NOTCH2: variants seen among roughly 807,000 people sequenced by gnomAD.
NOTCH2 encodes notch receptor 2.
In NOTCH2, 29 loss-of-function variants were observed where a neutral mutation model predicts 235.8. The ratio of observed to expected loss-of-function variants is 0.12; its 90% confidence interval spans 0.09 to 0.17. The LOEUF is 0.17. Among genes scored for constraint, NOTCH2 ranks in the 10% least tolerant of loss-of-function variants. The pLI is 1.00. For missense variants in NOTCH2, 2,285 were observed against 3,150.2 expected (o/e 0.73, Z 6.57); for synonymous variants, 1,086 against 1,141.5 (o/e 0.95, Z 0.98).
intron 30 of NOTCH2, 142 bp from the exon 31 acceptor site, chr1:119,919,755 A>T: frequency 1.2e-6 from 1 of 802,842 alleles, no homozygotes. Context: ...TATTAGTTTC[A>T]CATTTGCCAC....
Position 119,969,589 on chromosome 1 carries a change from A to G in NOTCH2, c.1030T>C (p.Phe344Leu). The G allele has an allele frequency of 6.2e-7, 1 of 1,614,074 alleles. No individual in the cohort carries two copies. The highest frequency in any genetic ancestry group is 8.5e-7 in the Non-Finnish European group (1 of 1,179,976). The part of the protein sequence containing the change: ...DCSENIDDCA[F>L]ASCTPGSTCI... The stretch of plus-strand genomic sequence containing the variant: ...GTGGAGCCTGGAGTACAGGAGGCGA[A>G]GGCACAATCATCAATGTTCTCACTG... Residue 344 changes from phenylalanine to leucine, a missense_variant, in exon 6 of 34, where the codon TTC (phenylalanine) becomes CTC (leucine). Physicochemically the swap from Phe to Leu is conservative, Grantham distance 22. Transcript: ENST00000256646.
chr1:119,955,025 G>A lies in NOTCH2; in HGVS notation c.2219+15C>T, dbSNP rs1553198231. 1.2e-6 allele frequency: 2 copies of A among 1,612,676 alleles called. No individual in the cohort carries two copies. Among genetic ancestry groups the A allele is most frequent in the Non-Finnish European group, 8.5e-7 (1 of 1,179,460 alleles). Reference sequence around the variant, plus strand: ...ACAGGTCAATAAGAAACTATCACATGGGGCAGCTACTCACCCACTGAGACC... The same window carrying A: ...ACAGGTCAATAAGAAACTATCACATAGGGCAGCTACTCACCCACTGAGACC... On this transcript the variant is annotated intron_variant, in intron 13 of 33. Coordinates refer to ENST00000256646, the MANE Select transcript of NOTCH2 (RefSeq NM_024408.4).
chr1:119,936,969 AG>A (rs1649874552), intron 21 of NOTCH2, among the ~76,000 whole-genome samples: 1 of 152,070 alleles, frequency 6.6e-6, no homozygotes, highest in African/African-American at 2.4e-5. Flanking sequence ...GCTGCTATTC[AG>A]GGAAGTGTGG....
Position 119,937,959 on chromosome 1 carries a change from C to A in NOTCH2, c.3235G>T (p.Val1079Phe). 1.2e-6 allele frequency: 2 copies of A among 1,614,158 alleles called. No individual in the cohort carries two copies. The highest frequency in any genetic ancestry group is 1.7e-6 in the Non-Finnish European group (2 of 1,180,014). The change falls in exon 20 of 34, where the codon GTT (valine) becomes TTT (phenylalanine). Residue 1079 changes from valine to phenylalanine, a missense_variant. Transcript: ENST00000256646. ...RSPCKNKGTC[V>F]QKKAESQCLC... is the part of the protein sequence containing the mutation. ...CACTGGGACTCTGCTTTTTTCTGAA[C>A]GCAAGTACCTTTGTTTTTACATGGA...
intron 3 of NOTCH2, among the ~76,000 whole-genome samples, chr1:119,999,491 T>A (rs1374371587): frequency 5.4e-5 from 8 of 147,364 alleles, no homozygotes; most frequent in African/African-American, 2.0e-4. Flanking sequence ...GTCTTTCCAC[T>A]CATGTCACTA....
At chr1:119,935,878 T>C (rs138014832) in intron 21 of NOTCH2, among the ~76,000 whole-genome samples, 1 of 152,230 alleles carries the variant, frequency 6.6e-6, no homozygotes, top group East Asian at 1.9e-4. Flanking sequence ...TGTTTCAGAT[T>C]TGACTTGTGT....
At position 119,932,611 on chromosome 1, in the gene NOTCH2, C is replaced by A. The variant is rs1385992133; in HGVS notation, c.3655+2861G>T. ...TCAAAACAAACAAACAAACAAATAT[C>A]TATCTATCTATCTATCTATCTATCT... On this transcript the variant is annotated intron_variant, in intron 22 of 33. Transcript: ENST00000256646. Among the ~76,000 whole-genome samples, 12 of 90,142 alleles carry A rather than the reference C, an allele frequency of 1.3e-4. No homozygotes were observed. The South Asian group carries it at 3.4e-3, about 25-fold the overall frequency. 59.1% of individuals were successfully genotyped at this position (90,142 alleles called of 152,430 possible). A position where few individuals can be genotyped will look rare whatever the true frequency, so the allele number is the denominator to read the frequency against.
intron 14 of NOTCH2, among the ~76,000 whole-genome samples, chr1:119,952,859 T>C (rs1481568475): frequency 6.6e-6 from 1 of 152,262 alleles, no homozygotes; most frequent in Non-Finnish European, 1.5e-5. Flanking sequence ...GGATTCTTCC[T>C]TGATATTACT....
In NOTCH2 at chr1:119,922,350, G is replaced by A. The variant is rs1557804957; in HGVS notation, c.5099C>T (p.Ala1700Val). 6.2e-7 allele frequency: 1 copy of A among 1,614,052 alleles called. No individual in the cohort carries two copies. Residue 1700 changes from alanine (A) to valine (V), a missense_variant, in exon 28 of 34, where the codon GCA becomes GTA. Physicochemically the swap from Ala to Val is moderately conservative, Grantham distance 64 (BLOSUM62 0). Around this residue, in one of 6 missense-constraint regions of NOTCH2, gnomAD observed 1,173 missense variants for 1,515.3 expected, o/e 0.77. Coordinates refer to ENST00000256646, the MANE Select transcript of NOTCH2 (RefSeq NM_024408.4). ...AGAGCCATGCTTACGCTTTCGTTTTGCCATGATTACCCCCAGCAGAATAAT... is the reference window on the plus strand; with the variant it reads ...AGAGCCATGCTTACGCTTTCGTTTTACCATGATTACCCCCAGCAGAATAAT... ...LFIILLGVIMAKRKRKHGSLW... is the reference protein window; with the variant it reads ...LFIILLGVIMVKRKRKHGSLW...
chr1:120,067,444 C>T (rs1211178611), intron 1 of NOTCH2, among the ~76,000 whole-genome samples: 1 of 152,034 alleles, frequency 6.6e-6, no homozygotes, highest in African/African-American at 2.4e-5. Flanking sequence ...ATAAAAGAAG[C>T]CCTATGTGTC....
intron 2 of NOTCH2, among the ~76,000 whole-genome samples, chr1:120,011,487 T>C (rs1653190329): frequency 6.6e-6 from 1 of 152,230 alleles, no homozygotes. Flanking sequence ...TTCTTCACCT[T>C]TTTAGTGGTG....
At chr1:119,920,487 T>G (rs1649246202) in intron 29 of NOTCH2, 90 bp from the exon 30 acceptor site, 1 of 1,384,828 alleles carries the variant, frequency 7.2e-7, no homozygotes, top group Admixed American at 1.7e-5. Context: ...CACCGCTGCT[T>G]ATCTCCCATT....
chr1:120,037,594 A>G (rs1346057748), intron 1 of NOTCH2, among the ~76,000 whole-genome samples: 1 of 151,934 alleles, frequency 6.6e-6, no homozygotes, highest in Non-Finnish European at 1.5e-5. Flanking sequence ...GGAAGCTTCA[A>G]ATCCCAAGTG....
intron 2 of NOTCH2, among the ~76,000 whole-genome samples, chr1:120,006,904 G>T (rs1652999307): frequency 6.6e-6 from 1 of 152,170 alleles, no homozygotes. Context: ...GCTAGCAGGG[G>T]TCACAGTTAC....
chr1:119,940,625 C>G lies in NOTCH2; in HGVS notation c.3113G>C (p.Gly1038Ala). The change falls in exon 19 of 34, where the codon GGA (glycine) becomes GCA (alanine). Residue 1038 changes from glycine to alanine, a missense_variant. Gly to Ala is a moderately conservative substitution (Grantham distance 60). Around this residue, in one of 6 missense-constraint regions of NOTCH2, gnomAD observed 1,173 missense variants for 1,515.3 expected, o/e 0.77. Coordinates refer to ENST00000256646, the MANE Select transcript of NOTCH2 (RefSeq NM_024408.4). Reference protein sequence around the residue: ...ECSSHPCLNEGTCVDGLGTYR... With the variant: ...ECSSHPCLNEATCVDGLGTYR... Reference sequence around the variant, plus strand: ...GGTACCCAGGCCATCAACACACGTTCCCTCATTCAGGCATGGATGAGAGCT... The same window carrying G: ...GGTACCCAGGCCATCAACACACGTTGCCTCATTCAGGCATGGATGAGAGCT... The G allele has an allele frequency of 6.2e-7, 1 of 1,614,092 alleles. No homozygotes were observed. Among genetic ancestry groups the G allele is most frequent in the South Asian group, 1.1e-5 (1 of 91,058 alleles).
intron 2 of NOTCH2, among the ~76,000 whole-genome samples, chr1:120,010,968 A>G (rs1394578261): frequency 6.6e-6 from 1 of 152,240 alleles, no homozygotes; most frequent in African/African-American, 2.4e-5. Context: ...TACATGCTAC[A>G]ACATGCATGA....
At chr1:119,996,928 G>T (rs1351152383) in intron 4 of NOTCH2, 69 bp downstream of exon 4, 1 of 1,564,214 alleles carries the variant, frequency 6.4e-7, no homozygotes, top group Non-Finnish European at 8.8e-7. Flanking sequence ...AACAGCAATT[G>T]AGCCACACCC....
chr1:120,048,445 CT>C (rs782527466), intron 1 of NOTCH2, among the ~76,000 whole-genome samples: 6,036 of 100,408 alleles, frequency 0.06, 1,118 homozygotes, highest in African/African-American at 0.36. Context: ...CCCAATACCA[CT>C]TTTTTTTTTT....
At position 119,915,098 on chromosome 1, in the gene NOTCH2, T is replaced by G. The variant is rs1649017990; in HGVS notation, c.*208A>C. Reference sequence around the variant, plus strand: ...TTGCATTTCCACAAACTTGTCTTATTAGATTAGAATAATCAATAAGCCTTG... The same window carrying G: ...TTGCATTTCCACAAACTTGTCTTATGAGATTAGAATAATCAATAAGCCTTG... On this transcript the variant is annotated 3_prime_UTR_variant, in exon 34 of 34. Transcript: ENST00000256646. 1 of 605,260 alleles carries G rather than the reference T, an allele frequency of 1.7e-6. No individual in the cohort carries two copies. Among genetic ancestry groups the G allele is most frequent in the Admixed American group, 2.7e-5 (1 of 36,396 alleles). 37.5% of individuals were successfully genotyped at this position (605,260 alleles called of 1,614,324 possible). A position where few individuals can be genotyped will look rare whatever the true frequency, so the allele number is the denominator to read the frequency against.
Sources: gnomAD v4.1 joint callset for allele counts (sites outside exome capture counted in the v4.1 genomes callset) on GRCh38, gnomAD v4.1.1 for gene constraint, gnomAD v4.1.1 regional missense constraint, MANE v1.5 for transcripts, NCBI Gene and HGNC (gene_info 2026-07-23, HGNC 2026-07-21) for gene names.